The following FERMT2 variants were observed in gnomAD, a reference collection of about 807,000 sequenced individuals.
The protein encoded by FERMT2 is fermitin family homolog 2.
A neutral mutation model predicts 82.7 loss-of-function variants in FERMT2; 15 were observed. The observed-to-expected ratio is 0.18, with a 90% CI of 0.12 to 0.28. The LOEUF (loss-of-function observed/expected upper bound fraction) is 0.28, where lower values mean the gene tolerates loss of function less well. Among genes scored for constraint, FERMT2 ranks in the 10% least tolerant of loss-of-function variants. The pLI is 1.00. For synonymous variants in FERMT2, 274 were observed against 271.5 expected, an observed-to-expected ratio of 1.01 and a Z score of -0.09; for missense variants, 645 against 809.4, an observed-to-expected ratio of 0.80 and a Z score of 2.46.
Position 52,882,738 on chromosome 14 carries a change from A to C in FERMT2, c.527-1269T>G, listed in dbSNP as rs909034868. On this transcript the variant is annotated intron_variant, in intron 4 of 14. Coordinates refer to ENST00000341590, the MANE Select transcript of FERMT2 (RefSeq NM_006832.3). Reference sequence around the variant, plus strand: ...AATGATAGAAACACTGCCTGTGAAAAAGTGGTGCTAATGCTAGAGATTTTT... The same window carrying C: ...AATGATAGAAACACTGCCTGTGAAACAGTGGTGCTAATGCTAGAGATTTTT... Among the ~76,000 whole-genome samples the C allele has an allele frequency of 5.3e-5, 8 of 152,034 alleles. No individual in the cohort carries two copies. The East Asian group carries it at 1.5e-3, about 29-fold the overall frequency.
At chr14:52,893,145 T>C in intron 4 of FERMT2, 148 bp downstream of exon 4, 1 of 591,994 alleles carries the variant, frequency 1.7e-6, no homozygotes, top group Non-Finnish European at 2.8e-6. Flanking sequence ...TACAGGTGTG[T>C]GCCACCATGC....
At chr14:52,932,478 C>T (rs1228912839) in intron 2 of FERMT2, among the ~76,000 whole-genome samples, 3 of 152,076 alleles carry the variant, frequency 2.0e-5, no homozygotes, top group African/African-American at 4.8e-5. Flanking sequence ...CAACCACAGA[C>T]AAACTCAAAG....
chr14:52,868,215 A>T (rs1320141939), intron 10 of FERMT2, among the ~76,000 whole-genome samples: 20 of 143,650 alleles, frequency 1.4e-4, no homozygotes, highest in South Asian at 2.2e-4. Context: ...CTCTCTAGGC[A>T]TTTTTTTTTT....
intron 3 of FERMT2, among the ~76,000 whole-genome samples, chr14:52,902,225 T>C (rs1354999809): frequency 6.6e-6 from 1 of 151,932 alleles, no homozygotes; most frequent in African/African-American, 2.4e-5. Flanking sequence ...AAACCCTGTC[T>C]CTACTAAAAA....
intron 10 of FERMT2, 56 bp downstream of exon 10, chr14:52,872,743 C>T (rs1885702740): frequency 6.3e-7 from 1 of 1,593,322 alleles, no homozygotes; most frequent in Non-Finnish European, 8.5e-7. Flanking sequence ...GGCTCATTGA[C>T]TATTAGGCCA....
chr14:52,903,001 C>A (rs1887770051), intron 3 of FERMT2, among the ~76,000 whole-genome samples: 1 of 135,898 alleles, frequency 7.4e-6, no homozygotes, highest in South Asian at 2.4e-4. Context: ...CTAACAGTAA[C>A]AGCGAGAACA....
chr14:52,916,026 G>A (rs1235732527), intron 3 of FERMT2, among the ~76,000 whole-genome samples: 2 of 152,116 alleles, frequency 1.3e-5, no homozygotes, highest in African/African-American at 2.4e-5. Flanking sequence ...ACATCCAGAC[G>A]ATGGAATACT....
intron 6 of FERMT2, among the ~76,000 whole-genome samples, chr14:52,879,369 G>T (rs1002159015): frequency 6.6e-5 from 10 of 152,060 alleles, no homozygotes; most frequent in Non-Finnish European, 1.5e-4. Flanking sequence ...AATTTTTATA[G>T]ATGATGGAAT....
intron 3 of FERMT2, among the ~76,000 whole-genome samples, chr14:52,911,478 C>T (rs1391433010): frequency 6.6e-6 from 1 of 151,838 alleles, no homozygotes; most frequent in Non-Finnish European, 1.5e-5. Context: ...GGTGAAAACC[C>T]GTCTCTACTA....
intron 4 of FERMT2, among the ~76,000 whole-genome samples, chr14:52,885,929 C>T (rs1054568370): frequency 2.7e-5 from 4 of 147,974 alleles, no homozygotes; most frequent in Non-Finnish European, 6.0e-5. Flanking sequence ...AGATATAAGA[C>T]CACATAAAAA....
chr14:52,901,280 CA>C (rs10638877), intron 3 of FERMT2, among the ~76,000 whole-genome samples: 185 of 57,230 alleles, frequency 3.2e-3, no homozygotes, highest in African/African-American at 0.013. Flanking sequence ...GACTCTGTCT[CA>C]AAAAAAAAAA....
At chr14:52,914,567 A>G (rs755095310) in intron 3 of FERMT2, among the ~76,000 whole-genome samples, 69 of 152,322 alleles carry the variant, frequency 4.5e-4, no homozygotes, top group Admixed American at 3.3e-4. Flanking sequence ...GATGTATAAA[A>G]ATGGGAAAGG....
chr14:52,909,347 T>C (rs78592485), intron 3 of FERMT2, among the ~76,000 whole-genome samples: 4,595 of 152,272 alleles, frequency 0.03, 94 homozygotes, highest in Non-Finnish European at 0.046. Flanking sequence ...CAACCTGACA[T>C]GCTGAGGGGT....
chr14:52,860,154 T>TA (rs1202000332), intron 13 of FERMT2, 187 bp downstream of exon 13: 2 of 554,768 alleles, frequency 3.6e-6, no homozygotes, highest in Non-Finnish European at 6.1e-6. Flanking sequence ...CAAACACAAT[T>TA]ATCTTGAATT....
At chr14:52,940,061 A>C (rs1457303312) in intron 2 of FERMT2, among the ~76,000 whole-genome samples, 1 of 152,202 alleles carries the variant, frequency 6.6e-6, no homozygotes, top group Non-Finnish European at 1.5e-5. Flanking sequence ...TTTTAGTTAC[A>C]ACATGATGTA....
At chr14:52,917,434 G>C (rs1427446179) in intron 3 of FERMT2, among the ~76,000 whole-genome samples, 3 of 152,016 alleles carry the variant, frequency 2.0e-5, no homozygotes, top group Non-Finnish European at 4.4e-5. Flanking sequence ...TTTGTCATTT[G>C]ACAAAATGAC....
At chr14:52,894,213 G>C (rs545336495) in intron 3 of FERMT2, among the ~76,000 whole-genome samples, 1 of 152,146 alleles carries the variant, frequency 6.6e-6, no homozygotes. Flanking sequence ...TGAGGAGTCT[G>C]ATAACAAGGA....
intron 10 of FERMT2, among the ~76,000 whole-genome samples, chr14:52,866,162 G>A (rs1245963363): frequency 6.6e-6 from 1 of 152,156 alleles, no homozygotes; most frequent in Non-Finnish European, 1.5e-5. Flanking sequence ...GAGACAAAGT[G>A]GGTGGTAACT....
intron 4 of FERMT2, among the ~76,000 whole-genome samples, chr14:52,885,853 T>C (rs529541122): frequency 1.3e-5 from 2 of 152,110 alleles, no homozygotes; most frequent in South Asian, 4.1e-4. Context: ...TGGTATTATT[T>C]TTATATTTTT....
Sources: allele counts gnomAD v4.1 joint callset (sites outside exome capture counted in the v4.1 genomes callset), GRCh38; gene constraint gnomAD v4.1.1; transcripts MANE v1.5; gene names NCBI Gene and HGNC (gene_info 2026-07-23, HGNC 2026-07-21).